Variants in EXOC4 observed in about 807,000 individuals in gnomAD.
EXOC4 encodes SEC8-like 1.
Under a neutral mutation model 107.2 loss-of-function variants are expected in EXOC4, and 71 were observed. The ratio of observed to expected loss-of-function variants is 0.66; its 90% CI spans 0.55 to 0.81. The LOEUF is 0.81. EXOC4 is among the 30% of genes least tolerant of loss of function. The probability of loss-of-function intolerance (pLI) is 0.00; values close to 1 mark genes in which losing one functional copy is unlikely to be tolerated. For missense variants in EXOC4, 1,108 were observed against 1,189.6 expected, an observed-to-expected ratio of 0.93 and a Z score of 1.01; for synonymous variants, 456 against 441.2, an observed-to-expected ratio of 1.03 and a Z score of -0.42.
At chr7:133,702,816 A>G (rs576753725) in intron 10 of EXOC4, among the ~76,000 whole-genome samples, 1 of 152,284 alleles carries the variant, frequency 6.6e-6, no homozygotes, top group African/African-American at 2.4e-5. Flanking sequence ...ATGTTCTGTT[A>G]TGAATGTGCA....
At chr7:133,767,958 A>G (rs900846848) in intron 10 of EXOC4, 3 of 151,996 alleles carry the variant, frequency 2.0e-5, no homozygotes, top group South Asian at 2.1e-4. Context: ...GGCAATATGC[A>G]TGGCATAAAT....
chr7:133,363,066 G>A (rs999711432), intron 6 of EXOC4, among the ~76,000 whole-genome samples: 4 of 152,092 alleles, frequency 2.6e-5, no homozygotes, highest in Non-Finnish European at 4.4e-5. Context: ...CAAAGCAAGC[G>A]GGAAGCAAGT....
intron 7 of EXOC4, among the ~76,000 whole-genome samples, chr7:133,452,569 T>C (rs1042894813): frequency 2.7e-5 from 4 of 149,006 alleles, no homozygotes; most frequent in Admixed American, 6.8e-5. Flanking sequence ...CCTTTAGCTC[T>C]CTGTGCATCT....
chr7:133,374,351 T>TA (rs1435406478), intron 6 of EXOC4, among the ~76,000 whole-genome samples: 2 of 152,136 alleles, frequency 1.3e-5, no homozygotes, highest in Non-Finnish European at 2.9e-5. Context: ...ATTTGGATGG[T>TA]AGTAAGCATA....
rs528725842 is a variant in EXOC4 at position 133,704,634 on chromosome 7, T to C, written c.1514+74493T>C. ...CTGCATCTGGCCTGTACATGTGGCATTGTATTACACTTTGTGAGTGTGCTT... is the reference window on the plus strand; with the variant it reads ...CTGCATCTGGCCTGTACATGTGGCACTGTATTACACTTTGTGAGTGTGCTT... On this transcript the variant is annotated intron_variant, in intron 10 of 17. Coordinates refer to ENST00000253861, the MANE Select transcript of EXOC4 (RefSeq NM_021807.4). 1.6e-4 allele frequency among the ~76,000 whole-genome samples: 25 copies of C among 152,296 alleles called. No individual in the cohort carries two copies. In the South Asian group the frequency reaches 5.2e-3, roughly 32 times the overall value.
chr7:133,569,641 G>A (rs1034918111), intron 9 of EXOC4, among the ~76,000 whole-genome samples: 1 of 152,128 alleles, frequency 6.6e-6, no homozygotes, highest in Non-Finnish European at 1.5e-5. Context: ...TATATACGTA[G>A]GTATGTGTGT....
intron 7 of EXOC4, among the ~76,000 whole-genome samples, chr7:133,456,449 T>A (rs1466476018): frequency 6.6e-6 from 1 of 152,232 alleles, no homozygotes; most frequent in Non-Finnish European, 1.5e-5. Context: ...ATTCATGCGA[T>A]CATATCATTG....
chr7:133,449,834 C>T (rs1175805468), intron 7 of EXOC4, among the ~76,000 whole-genome samples: 1 of 151,708 alleles, frequency 6.6e-6, no homozygotes, highest in Non-Finnish European at 1.5e-5. Flanking sequence ...TCTCCTCCAG[C>T]TTTTCAATCT....
chr7:133,768,643 G>C (rs1044857840), intron 10 of EXOC4, among the ~76,000 whole-genome samples: 1 of 151,986 alleles, frequency 6.6e-6, no homozygotes, highest in Admixed American at 6.6e-5. Context: ...CTGGTTCATA[G>C]TAAAGTGTTA....
At chr7:133,818,721 G>T (rs569557997) in intron 11 of EXOC4, among the ~76,000 whole-genome samples, 68 of 152,076 alleles carry the variant, frequency 4.5e-4, no homozygotes, top group African/African-American at 1.6e-3. Flanking sequence ...GCATGGCTGG[G>T]GTCTTCTCCT....
At chr7:134,084,290 T>A in the EXOC4 span, among the ~76,000 whole-genome samples, 1 of 152,210 alleles carries the variant, frequency 6.6e-6, no homozygotes, top group Non-Finnish European at 1.5e-5. Context: ...TCATTGAGAC[T>A]TCCTTATTTT....
rs1280068276 is a variant in EXOC4, at chr7:133,894,714, G to T, written c.1735-885G>T. 4.8e-5 allele frequency among the ~76,000 whole-genome samples: 4 copies of T among 83,134 alleles called. 2 individuals are homozygous for T. Among genetic ancestry groups the T allele is most frequent in the Admixed American group, 1.8e-4 (2 of 11,040 alleles). 54.5% of individuals were successfully genotyped at this position (83,134 alleles called of 152,430 possible). On this transcript the variant is annotated intron_variant, in intron 11 of 17. Coordinates refer to ENST00000253861, the MANE Select transcript of EXOC4 (RefSeq NM_021807.4). ...TGTGAGGTGTCAGTGTGCCCCTGCT[G>T]GGGGGTGACTCCCAGTTAGGCTGCT... is the stretch of plus-strand genomic sequence containing the variant.
chr7:133,784,628 C>G (rs1308720493), intron 10 of EXOC4, among the ~76,000 whole-genome samples: 1 of 152,170 alleles, frequency 6.6e-6, no homozygotes, highest in Non-Finnish European at 1.5e-5. Context: ...GTCTTAAATG[C>G]ATCTGCTGTG....
At chr7:133,584,851 C>T (rs1048923481) in intron 9 of EXOC4, among the ~76,000 whole-genome samples, 1 of 152,132 alleles carries the variant, frequency 6.6e-6, no homozygotes, top group African/African-American at 2.4e-5. Context: ...GCTGGGATTA[C>T]AGGCGTGAGC....
intron 14 of EXOC4, among the ~76,000 whole-genome samples, chr7:133,962,059 C>T (rs1179768591): frequency 2.0e-5 from 3 of 152,308 alleles, no homozygotes; most frequent in East Asian, 3.9e-4. Flanking sequence ...CTCAACACCT[C>T]TTTGCTATCT....
rs888772772 is a variant in EXOC4, at chr7:133,285,772, T to C, written c.277-3150T>C. ...TCTTCTTCTTTTTTGTTTTTTTTTTTCAAAAGAGCTGGAGTCTTGCTTTTG... is the reference window on the plus strand; with the variant it reads ...TCTTCTTCTTTTTTGTTTTTTTTTTCCAAAAGAGCTGGAGTCTTGCTTTTG... On this transcript the variant is annotated intron_variant, in intron 2 of 17. Transcript: ENST00000253861. Among the ~76,000 whole-genome samples the C allele has an allele frequency of 4.8e-5, 7 of 146,526 alleles. No individual in the cohort carries two copies. In the East Asian group the frequency reaches 9.8e-4, roughly 21 times the overall value.
chr7:133,609,357 G>A (rs1802024957), intron 9 of EXOC4, among the ~76,000 whole-genome samples: 1 of 152,178 alleles, frequency 6.6e-6, no homozygotes, highest in South Asian at 2.1e-4. Context: ...TGCCAAATGA[G>A]TTTTTGGCTA....
At chr7:133,879,196 GC>G (rs1162793138) in intron 11 of EXOC4, among the ~76,000 whole-genome samples, 1 of 152,086 alleles carries the variant, frequency 6.6e-6, no homozygotes, top group Non-Finnish European at 1.5e-5. Flanking sequence ...CTGGACTCAA[GC>G]GATTCTCCCA....
chr7:133,970,326 C>T (rs957941804), intron 14 of EXOC4, among the ~76,000 whole-genome samples: 4 of 151,978 alleles, frequency 2.6e-5, no homozygotes, highest in Non-Finnish European at 5.9e-5. Flanking sequence ...GGCTCCCTGG[C>T]TTCAGCCCCC....
Sources: gnomAD v4.1 joint callset for allele counts (sites outside exome capture counted in the v4.1 genomes callset) on GRCh38, gnomAD v4.1.1 for gene constraint, MANE v1.5 for transcripts, NCBI Gene and HGNC (gene_info 2026-07-23, HGNC 2026-07-21) for gene names.